The following TUNAR variants were observed in gnomAD, a reference collection of about 807,000 sequenced individuals.
TUNAR encodes the protein protein TUNAR.
chr14:95,882,519 A>AT (rs1888996414), intron 2 of TUNAR, among the ~76,000 whole-genome samples: 1 of 152,186 alleles, frequency 6.6e-6, no homozygotes, highest in Non-Finnish European at 1.5e-5. Flanking sequence ...ATGGCACTTC[A>AT]TGTAGTTAAA....
chr14:95,880,910 C>G (rs1453583302), intron 2 of TUNAR, among the ~76,000 whole-genome samples: 1 of 152,198 alleles, frequency 6.6e-6, no homozygotes, highest in Non-Finnish European at 1.5e-5. Context: ...ACATTGTGAA[C>G]CCTGTGTTCT....
intron 2 of TUNAR, among the ~76,000 whole-genome samples, chr14:95,898,584 C>T (rs545712268): frequency 3.9e-5 from 6 of 152,002 alleles, no homozygotes; most frequent in Non-Finnish European, 8.8e-5. Context: ...GCTCTTTATT[C>T]GAGATTTTGT....
At chr14:95,877,462 T>C (rs1248284104) in intron 2 of TUNAR, among the ~76,000 whole-genome samples, 5 of 152,206 alleles carry the variant, frequency 3.3e-5, no homozygotes, top group Non-Finnish European at 5.9e-5. Context: ...AGGTTCAGAC[T>C]TAGCATTTGG....
intron 2 of TUNAR, among the ~76,000 whole-genome samples, chr14:95,921,772 A>G (rs1287263736): frequency 6.6e-6 from 1 of 152,224 alleles, no homozygotes; most frequent in Non-Finnish European, 1.5e-5. Context: ...CAAATAGCAC[A>G]TGTCTAAAAC....
chr14:95,907,665 C>A (rs1413525867), intron 2 of TUNAR, among the ~76,000 whole-genome samples: 2 of 152,196 alleles, frequency 1.3e-5, no homozygotes, highest in Non-Finnish European at 2.9e-5. Context: ...TAGCTCCTCT[C>A]TGTAGGCAGG....
chr14:95,909,743 AG>A (rs1042993737), intron 2 of TUNAR, among the ~76,000 whole-genome samples: 2 of 152,092 alleles, frequency 1.3e-5, no homozygotes, highest in African/African-American at 4.8e-5. Flanking sequence ...GAGGACATGG[AG>A]GTGAATCTGA....
rs958901115 is a variant in TUNAR at position 95,877,483 on chromosome 14, T to C, written c.12+306T>C. Among the ~76,000 whole-genome samples, 21 of 152,094 alleles carry C rather than the reference T, an allele frequency of 1.4e-4. 1 individual carries two copies. The highest frequency in any genetic ancestry group is 3.9e-4 in the African/African-American group (16 of 41,410). On this transcript the variant is annotated intron_variant, in intron 2 of 2. Transcript: ENST00000678517. ...AGACTTAGCATTTGGGGGCAACAAC[T>C]CTTATTTAGTGGGTGTCCAGGCCGT...
At chr14:95,922,974 A>G in exon 3 of TUNAR, 1 of 399,112 alleles carries the variant, frequency 2.5e-6, no homozygotes, top group Non-Finnish European at 4.4e-6. Context: ...TGAATGGCCC[A>G]GAGCGTCCTC....
chr14:95,917,823 T>C (rs1889630615), intron 2 of TUNAR, among the ~76,000 whole-genome samples: 1 of 152,244 alleles, frequency 6.6e-6, no homozygotes, highest in African/African-American at 2.4e-5. Flanking sequence ...AACCACAGAA[T>C]TCATCTATTT....
intron 2 of TUNAR, among the ~76,000 whole-genome samples, chr14:95,885,370 G>C (rs945076538): frequency 6.6e-6 from 1 of 152,198 alleles, no homozygotes; most frequent in Non-Finnish European, 1.5e-5. Context: ...AGACAGTTGG[G>C]GAAAACGTGT....
At chr14:95,888,809 G>GAT (rs1555375720) in intron 2 of TUNAR, among the ~76,000 whole-genome samples, 29 of 152,146 alleles carry the variant, frequency 1.9e-4, no homozygotes, top group African/African-American at 6.5e-4. Flanking sequence ...CGAGGGGATG[G>GAT]GGGGGGCAGT....
intron 2 of TUNAR, among the ~76,000 whole-genome samples, chr14:95,877,637 C>G (rs1244136792): frequency 1.3e-5 from 2 of 152,114 alleles, no homozygotes; most frequent in African/African-American, 4.8e-5. Context: ...AGTGGGAGAC[C>G]AGGATTGGAA....
At chr14:95,924,429 TG>T (rs1358510013) in exon 3 of TUNAR, 3 of 152,252 alleles carry the variant, frequency 2.0e-5, no homozygotes, top group African/African-American at 7.2e-5. Flanking sequence ...CTGGCTACAG[TG>T]GCATGGCCTT....
chr14:95,918,079 CTTG>C (rs1472001269), intron 2 of TUNAR, among the ~76,000 whole-genome samples: 3 of 152,004 alleles, frequency 2.0e-5, no homozygotes, highest in East Asian at 3.8e-4. Context: ...CCAGCCTTTG[CTTG>C]TTGTTTATTT....
At chr14:95,881,105 A>G (rs1169076781) in intron 2 of TUNAR, among the ~76,000 whole-genome samples, 14 of 152,108 alleles carry the variant, frequency 9.2e-5, no homozygotes, top group East Asian at 1.9e-4. Context: ...TTCCTCCCCA[A>G]TTTCTAGATA....
At chr14:95,907,034 GTATGT>G (rs1228528685) in intron 2 of TUNAR, among the ~76,000 whole-genome samples, 1 of 152,110 alleles carries the variant, frequency 6.6e-6, no homozygotes, top group Non-Finnish European at 1.5e-5. Flanking sequence ...GCATACTGTT[GTATGT>G]TACATGTCTG....
chr14:95,879,095 G>A (rs1888936317), intron 2 of TUNAR, among the ~76,000 whole-genome samples: 1 of 152,214 alleles, frequency 6.6e-6, no homozygotes, highest in South Asian at 2.1e-4. Flanking sequence ...AAGGTGGGCT[G>A]AAGGATGTTC....
rs371072756 is a variant in TUNAR at position 95,909,475 on chromosome 14, G to A, written c.13-13306G>A. Among the ~76,000 whole-genome samples the A allele has an allele frequency of 9.2e-5, 14 of 152,142 alleles. No individual in the cohort carries two copies. In the East Asian group the frequency reaches 2.7e-3, roughly 29 times the overall value. On this transcript the variant is annotated intron_variant, in intron 2 of 2. Coordinates refer to ENST00000678517, the Ensembl canonical transcript of TUNAR. ...ATTTTTTGTATTTTTAGTAGAGACG[G>A]GGTTTCACCGTGTTAACCAGGATGG... is the stretch of plus-strand genomic sequence containing the variant.
intron 2 of TUNAR, among the ~76,000 whole-genome samples, chr14:95,914,278 T>G (rs1889566740): frequency 6.6e-6 from 1 of 152,178 alleles, no homozygotes; most frequent in African/African-American, 2.4e-5. Context: ...CTCAACAGAT[T>G]GGCACAGTGG....
Sources: gnomAD v4.1 joint callset for allele counts (sites outside exome capture counted in the v4.1 genomes callset) on GRCh38, gnomAD v4.1.1 for gene constraint, MANE v1.5 for transcripts, NCBI Gene and HGNC (gene_info 2026-07-23, HGNC 2026-07-21) for gene names.